Variants in GRM8 observed in about 807,000 individuals in gnomAD.
GRM8 encodes metabotropic glutamate receptor 8.
A neutral mutation model predicts 87.2 loss-of-function variants in GRM8; 47 were observed. The observed-to-expected ratio is 0.54, with a 90% CI of 0.43 to 0.69. The LOEUF (loss-of-function observed/expected upper bound fraction) is 0.69. GRM8 is among the 30% of genes least tolerant of loss of function. GRM8 has a pLI of 0.00. For missense variants in GRM8, 1,019 were observed against 1,139.2 expected (o/e 0.89, Z 1.52); for synonymous variants, 396 against 404.5 (o/e 0.98, Z 0.25).
rs1034476476 is a variant in GRM8, at chr7:126,827,232, G to T, written c.1157-57167C>A. Among the ~76,000 whole-genome samples the T allele has an allele frequency of 5.3e-5, 8 of 152,266 alleles. 1 individual carries two copies. Among genetic ancestry groups the T allele is most frequent in the Admixed American group, 2.0e-4 (3 of 15,284 alleles). The stretch of plus-strand genomic sequence containing the variant: ...TTGGTTCCATATGAACTTTAAAGTA[G>T]TTTTTTCCAATTCTGTGAAGAAAGT... On this transcript the variant is annotated intron_variant, in intron 6 of 10. Coordinates refer to ENST00000339582, the MANE Select transcript of GRM8 (RefSeq NM_000845.3).
At chr7:127,111,585 C>T (rs1826354160) in intron 2 of GRM8, among the ~76,000 whole-genome samples, 1 of 152,178 alleles carries the variant, frequency 6.6e-6, no homozygotes, top group Non-Finnish European at 1.5e-5. Context: ...TAGGCTATGA[C>T]CTAGCAATGG....
chr7:127,116,831 C>A (rs1826726489), intron 2 of GRM8, among the ~76,000 whole-genome samples: 1 of 152,156 alleles, frequency 6.6e-6, no homozygotes, highest in South Asian at 2.1e-4. Flanking sequence ...AAACCATAGA[C>A]CACCGTCTCC....
In GRM8 at chr7:127,242,856, G is replaced by A. The variant is rs769457476; in HGVS notation, c.349C>T (p.Leu117=). The A allele has an allele frequency of 2.5e-6, 4 of 1,614,054 alleles. No homozygotes were observed. In the African/African-American group the frequency reaches 4.0e-5, roughly 16 times the overall value. Residue 117 remains leucine (L), a synonymous_variant, in exon 2 of 11, where the codon CTA becomes TTA. Transcript: ENST00000339582. ...TCTATTAATGCCTGCACGAATGTTA[G>A]AGACTGCTCCAAAGCATAGGTGTCC... The part of the protein sequence containing the change: ...SRDTYALEQS[L]TFVQALIEKD...
chr7:126,710,187 C>G (rs1012091034), intron 7 of GRM8, among the ~76,000 whole-genome samples: 6 of 152,192 alleles, frequency 3.9e-5, no homozygotes, highest in Admixed American at 3.3e-4. Flanking sequence ...AAATCATAAT[C>G]TTTTGGCTAG....
intron 8 of GRM8, among the ~76,000 whole-genome samples, chr7:126,602,245 G>A (rs1797860080): frequency 2.1e-5 from 3 of 143,598 alleles, no homozygotes; most frequent in Admixed American, 7.1e-5. Context: ...ATAGTTGTAG[G>A]TATGCGGCAT....
In GRM8 at chr7:126,506,744, A is replaced by G. The variant is rs151022751; in HGVS notation, c.2430+26208T>C. On this transcript the variant is annotated intron_variant, in intron 9 of 10. Coordinates refer to ENST00000339582, the MANE Select transcript of GRM8 (RefSeq NM_000845.3). ...CCGAGAGCTGAGATCACACCAGTGC[A>G]CTCTAGCCTGGGCAACAGAGTAAGA... Among the ~76,000 whole-genome samples the G allele has an allele frequency of 9.7e-3, 1,475 of 151,982 alleles. 20 individuals are homozygous for G. Among genetic ancestry groups the G allele is most frequent in the African/African-American group, 0.033 (1,383 of 41,460 alleles).
intron 6 of GRM8, among the ~76,000 whole-genome samples, chr7:126,851,220 C>T (rs1450715236): frequency 1.3e-5 from 2 of 152,088 alleles, no homozygotes; most frequent in African/African-American, 4.8e-5. Context: ...CTGATGGCTG[C>T]ACTTACGAAA....
At chr7:126,688,528 A>G (rs1431387079) in intron 7 of GRM8, among the ~76,000 whole-genome samples, 1 of 152,186 alleles carries the variant, frequency 6.6e-6, no homozygotes, top group Non-Finnish European at 1.5e-5. Context: ...GGTTTATAAA[A>G]AGAGTGAACA....
intron 8 of GRM8, among the ~76,000 whole-genome samples, chr7:126,548,254 T>C (rs923536334): frequency 1.3e-5 from 2 of 151,886 alleles, no homozygotes; most frequent in Non-Finnish European, 2.9e-5. Flanking sequence ...ACATGGCACA[T>C]GTATACATAT....
chr7:126,773,075 A>G (rs1819027306), intron 6 of GRM8, among the ~76,000 whole-genome samples: 1 of 152,060 alleles, frequency 6.6e-6, no homozygotes, highest in South Asian at 2.1e-4. Flanking sequence ...GGAAAGGAGG[A>G]TGCAGCAACA....
chr7:127,135,834 A>C (rs146252877), intron 2 of GRM8, among the ~76,000 whole-genome samples: 107 of 152,220 alleles, frequency 7.0e-4, no homozygotes, highest in African/African-American at 2.4e-3. Flanking sequence ...TGGCAAATAG[A>C]TCTTAACTAT....
chr7:127,129,814 G>T (rs369195766), intron 2 of GRM8, among the ~76,000 whole-genome samples: 1 of 152,148 alleles, frequency 6.6e-6, no homozygotes, highest in Non-Finnish European at 1.5e-5. Context: ...AATTTGGACC[G>T]CTGTTGCAGC....
intron 8 of GRM8, among the ~76,000 whole-genome samples, chr7:126,549,926 T>C (rs1792389461): frequency 6.6e-6 from 1 of 152,104 alleles, no homozygotes; most frequent in South Asian, 2.1e-4. Context: ...ACAATAGTTA[T>C]GAAGGATATA....
At chr7:126,930,081 C>T (rs1242961624) in intron 3 of GRM8, among the ~76,000 whole-genome samples, 1 of 152,172 alleles carries the variant, frequency 6.6e-6, no homozygotes, top group Non-Finnish European at 1.5e-5. Flanking sequence ...CCTGTGTCTT[C>T]ACCAATTAGA....
rs544702653 is a variant in GRM8, at chr7:126,550,875, A to G, written c.1495-16988T>C. Among the ~76,000 whole-genome samples, 9 of 152,022 alleles carry G rather than the reference A, an allele frequency of 5.9e-5. No homozygotes were observed. In the South Asian group the frequency reaches 1.0e-3, roughly 18 times the overall value. The stretch of plus-strand genomic sequence containing the variant: ...AAAAGAAAATCCAAGAACAGTTTCT[A>G]TGGAATAGCCAGTTGAAATTACAGA... On this transcript the variant is annotated intron_variant, in intron 8 of 10. Transcript: ENST00000339582.
chr7:126,807,624 C>T (rs1372622059), intron 6 of GRM8, among the ~76,000 whole-genome samples: 2 of 151,986 alleles, frequency 1.3e-5, no homozygotes, highest in Non-Finnish European at 2.9e-5. Flanking sequence ...CCATCATCTC[C>T]TCCCTTCACT....
At chr7:126,666,843 T>C in intron 7 of GRM8, among the ~76,000 whole-genome samples, 1 of 152,216 alleles carries the variant, frequency 6.6e-6, no homozygotes, top group East Asian at 1.9e-4. Context: ...CTTTATCTAT[T>C]TCAACTTGTT....
intron 6 of GRM8, among the ~76,000 whole-genome samples, chr7:126,785,192 G>A (rs1209560602): frequency 6.6e-6 from 1 of 152,120 alleles, no homozygotes; most frequent in African/African-American, 2.4e-5. Context: ...CTGGCTTAAT[G>A]TGTCATTTTC....
intron 3 of GRM8, among the ~76,000 whole-genome samples, chr7:127,005,475 A>C (rs144015130): frequency 2.0e-5 from 3 of 151,776 alleles, no homozygotes; most frequent in Non-Finnish European, 2.9e-5. Flanking sequence ...ATTGATGGTT[A>C]TGATATATTG....
Sources: allele counts gnomAD v4.1 joint callset (sites outside exome capture counted in the v4.1 genomes callset), GRCh38; gene constraint gnomAD v4.1.1; transcripts MANE v1.5; gene names NCBI Gene and HGNC (gene_info 2026-07-23, HGNC 2026-07-21).